Variants in HIVEP3 observed in about 807,000 individuals in gnomAD.
HIVEP3 encodes HIVEP zinc finger 3, also known as transcription factor HIVEP3.
HIVEP3 carries 49 observed loss-of-function variants against 152.8 expected under a neutral mutation model. The observed-to-expected ratio is 0.32, with a 90% CI of 0.26 to 0.41. The LOEUF (loss-of-function observed/expected upper bound fraction) is 0.41, where lower values mean the gene tolerates loss of function less well. Ranked by LOEUF, HIVEP3 falls within the 10% of genes least tolerant of loss-of-function variation. The pLI is 1.00. For missense variants in HIVEP3, 2,790 were observed against 3,103.3 expected (o/e 0.90, Z 2.40); for synonymous variants, 1,269 against 1,289.0 (o/e 0.98, Z 0.33).
At chr1:41,871,557 T>C (rs1644080153) in intron 1 of HIVEP3, among the ~76,000 whole-genome samples, 1 of 152,182 alleles carries the variant, frequency 6.6e-6, no homozygotes, top group African/African-American at 2.4e-5. Context: ...AAACAGTAAG[T>C]GAACAATGAA....
At position 41,873,053 on chromosome 1, in the gene HIVEP3, C is replaced by T. The variant is rs783424; in HGVS notation, c.-801+45360G>A. ...TTTATAAGGAAAAGAGGAAACGAGACGAAAGAAAATGTAGTGCATCTGAAA... is the reference window on the plus strand; with the variant it reads ...TTTATAAGGAAAAGAGGAAACGAGATGAAAGAAAATGTAGTGCATCTGAAA... On this transcript the variant is annotated intron_variant, in intron 1 of 8. Coordinates refer to ENST00000372583, the MANE Select transcript of HIVEP3 (RefSeq NM_024503.5). The surrounding 1 kb of genome is among the most constrained non-coding windows in gnomAD (Gnocchi z 4.2). Among the ~76,000 whole-genome samples, 119,378 of 152,170 alleles carry T rather than the reference C, an allele frequency of 0.78. 47,190 individuals carry two copies. The highest frequency in any genetic ancestry group is 1 in the East Asian group (5,167 of 5,182).
At chr1:41,918,966 A>G (rs1644915421), upstream of HIVEP3, among the ~76,000 whole-genome samples, 1 of 152,172 alleles carries the variant, frequency 6.6e-6, no homozygotes. This position sits in a 1 kb window ranked among gnomAD's most constrained non-coding sequence, Gnocchi z 4.3. Flanking sequence ...CAGTACACCA[A>G]TTATCACTTC....
In HIVEP3 at chr1:41,729,991, C is replaced by T. The variant is rs551106999; in HGVS notation, c.-800-28996G>A. On this transcript the variant is annotated intron_variant, in intron 1 of 8. Coordinates refer to ENST00000372583, the MANE Select transcript of HIVEP3 (RefSeq NM_024503.5). ...TGTGCCTGTTTTCCAGATGAAGACA[C>T]GAAGGCCAAGAGAGGGAAAGTGAGT... 8.9e-4 allele frequency among the ~76,000 whole-genome samples: 135 copies of T among 152,324 alleles called. No homozygotes were observed. The Middle Eastern group carries it at 0.014, about 15-fold the overall frequency.
chr1:41,621,131 C>A (rs996901490), intron 3 of HIVEP3, among the ~76,000 whole-genome samples: 3 of 152,336 alleles, frequency 2.0e-5, no homozygotes, highest in African/African-American at 7.2e-5. Context: ...AAGGCATCAC[C>A]CGGCTTCCTA....
intron 1 of HIVEP3, among the ~76,000 whole-genome samples, chr1:41,804,838 T>A (rs1650507033): frequency 6.6e-6 from 1 of 152,204 alleles, no homozygotes; most frequent in African/African-American, 2.4e-5. Context: ...GAGCATCTCC[T>A]ATCCTCACTC....
chr1:41,529,577 C>G (rs114723920), intron 5 of HIVEP3, among the ~76,000 whole-genome samples: 1 of 125,998 alleles, frequency 7.9e-6, no homozygotes, highest in Non-Finnish European at 1.7e-5. Context: ...CTCACACATA[C>G]GTCCCCACCT....
chr1:41,841,033 A>C (rs1643273431), intron 1 of HIVEP3, among the ~76,000 whole-genome samples: 1 of 152,192 alleles, frequency 6.6e-6, no homozygotes, highest in African/African-American at 2.4e-5. Context: ...AAATGCAGGA[A>C]GGAGCTGAAT....
rs2124500000 is a variant in HIVEP3, at chr1:41,964,630, C to T, written n.120-46106G>A. ...GTTTGGACCGGGAGGAATTCCCCCACAGGTGCAGCACAGCAGCTGTGGCAG... is the reference window on the plus strand; with the variant it reads ...GTTTGGACCGGGAGGAATTCCCCCATAGGTGCAGCACAGCAGCTGTGGCAG... On this transcript the variant is annotated intron_variant and non_coding_transcript_variant, in intron 1 of 3. Coordinates refer to the HIVEP3 transcript ENST00000489103. Among the ~76,000 whole-genome samples the T allele has an allele frequency of 1.3e-5, 2 of 152,334 alleles. 1 individual carries two copies. Among genetic ancestry groups the T allele is most frequent in the South Asian group, 4.1e-4 (2 of 4,828 alleles).
chr1:41,915,481 ATT>A (rs1250924170), intron 1 of HIVEP3, among the ~76,000 whole-genome samples: 1 of 152,224 alleles, frequency 6.6e-6, no homozygotes, highest in Non-Finnish European at 1.5e-5. Flanking sequence ...TGCTAGGTGC[ATT>A]TGACAAACTA....
rs754592498 is a variant in HIVEP3, at chr1:41,511,176, C to T, written c.6496G>A (p.Gly2166Ser). 10 of 1,613,924 alleles carry T rather than the reference C, an allele frequency of 6.2e-6. No homozygotes were observed. The highest frequency in any genetic ancestry group is 8.5e-6 in the Non-Finnish European group (10 of 1,180,014). The change falls in exon 9 of 9, where the codon GGC (glycine) becomes AGC (serine). Residue 2166 changes from glycine (G) to serine (S), a missense_variant. Around this residue, in one of 9 missense-constraint regions of HIVEP3, gnomAD observed 816 missense variants for 806.5 expected, o/e 1.01. Transcript: ENST00000372583. This position sits in a 1 kb window ranked among gnomAD's most constrained non-coding sequence, Gnocchi z 4.9. The stretch of plus-strand genomic sequence containing the variant: ...TCCTCTGTCCGGGCCAGGATGTGGC[C>T]GTGGAAGTCATGGAGGGCGGAGAAG... ...RPFSALHDFH[G>S]HILARTEENI... is the part of the protein sequence containing the mutation.
At chr1:41,738,613 G>A (rs1052225936) in intron 1 of HIVEP3, among the ~76,000 whole-genome samples, 6 of 152,254 alleles carry the variant, frequency 3.9e-5, no homozygotes, top group South Asian at 2.1e-4. Context: ...TGATCCATCA[G>A]CTCACAGGAC....
chr1:41,563,344 C>CA (rs1043562849), intron 5 of HIVEP3, among the ~76,000 whole-genome samples: 5 of 147,068 alleles, frequency 3.4e-5, no homozygotes, highest in Non-Finnish European at 5.9e-5. Flanking sequence ...GACTCCATCT[C>CA]AAAAAAAATA....
At chr1:41,704,081 G>C (rs1225229132) in intron 1 of HIVEP3, among the ~76,000 whole-genome samples, 1 of 152,184 alleles carries the variant, frequency 6.6e-6, no homozygotes, top group East Asian at 1.9e-4. Flanking sequence ...CACCTACCTT[G>C]AAGGGATGTT....
At chr1:41,588,797 G>A (rs1644543401) in intron 3 of HIVEP3, among the ~76,000 whole-genome samples, 1 of 152,172 alleles carries the variant, frequency 6.6e-6, no homozygotes, top group South Asian at 2.1e-4. Context: ...GAGCCATGGT[G>A]GAGGGTGGCT....
chr1:41,922,288 C>G (rs1254251457), upstream of HIVEP3, among the ~76,000 whole-genome samples: 1 of 152,232 alleles, frequency 6.6e-6, no homozygotes, highest in Non-Finnish European at 1.5e-5. Flanking sequence ...TACCATACTT[C>G]TCATCTGTAA....
chr1:41,897,034 T>A (rs555994597), intron 1 of HIVEP3, among the ~76,000 whole-genome samples: 5 of 152,290 alleles, frequency 3.3e-5, no homozygotes, highest in African/African-American at 9.6e-5. Flanking sequence ...TAACGAACTA[T>A]AGGGCAAGCT....
intron 1 of HIVEP3, among the ~76,000 whole-genome samples, chr1:41,771,210 A>G (rs1233178682): frequency 6.6e-6 from 1 of 152,168 alleles, no homozygotes; most frequent in Non-Finnish European, 1.5e-5. Flanking sequence ...CCTTATAAAT[A>G]GAAGATTATT....
chr1:41,608,917 CA>C (rs35714997), intron 3 of HIVEP3, among the ~76,000 whole-genome samples: 6,681 of 123,472 alleles, frequency 0.054, 383 homozygotes, highest in African/African-American at 0.15. Flanking sequence ...CTAAAAATAC[CA>C]AAAAAAAAAA....
intron 3 of HIVEP3, among the ~76,000 whole-genome samples, chr1:41,620,106 A>C (rs577468442): frequency 6.6e-5 from 10 of 152,286 alleles, no homozygotes; most frequent in Non-Finnish European, 1.5e-4. Flanking sequence ...ACAGGAGAAG[A>C]GGACAAAGGC....
Sources: allele counts gnomAD v4.1 joint callset (sites outside exome capture counted in the v4.1 genomes callset), GRCh38; gene constraint gnomAD v4.1.1; regional missense constraint gnomAD v4.1.1; non-coding constraint Gnocchi (gnomAD v3.1); transcripts MANE v1.5; gene names NCBI Gene and HGNC (gene_info 2026-07-23, HGNC 2026-07-21).